GALNTL5: variants seen among roughly 807,000 people sequenced by gnomAD.
The protein encoded by GALNTL5 is polypeptide N-acetylgalactosaminyltransferase like 5, also known as inactive polypeptide N-acetylgalactosaminyltransferase-like protein 5.
In GALNTL5, 44 loss-of-function variants were observed where a neutral mutation model predicts 51.0. That is an observed-to-expected ratio of 0.86 (90% CI 0.68 to 1.11). The LOEUF is 1.11. Among genes scored for constraint, GALNTL5 ranks in the 50% least tolerant of loss-of-function variants. GALNTL5 has a pLI of 0.00. For synonymous variants in GALNTL5, 192 were observed against 182.8 expected, an observed-to-expected ratio of 1.05 and a Z score of -0.41; for missense variants, 528 against 531.8, an observed-to-expected ratio of 0.99 and a Z score of 0.07.
At chr7:152,017,358 G>A (rs2081832541) in intron 8 of GALNTL5, among the ~76,000 whole-genome samples, 1 of 152,180 alleles carries the variant, frequency 6.6e-6, no homozygotes, top group African/African-American at 2.4e-5. Flanking sequence ...TAAAAGTATG[G>A]TATTATAATC....
At chr7:151,970,858 A>G in intron 2 of GALNTL5, 87 bp from the exon 3 acceptor site, 1 of 1,106,296 alleles carries the variant, frequency 9.0e-7, no homozygotes, top group Non-Finnish European at 1.3e-6. Context: ...CTTTTAAAAA[A>G]TTGTTTTGGT....
intron 2 of GALNTL5, among the ~76,000 whole-genome samples, chr7:151,970,207 C>A (rs964555318): frequency 1.6e-5 from 2 of 128,212 alleles, no homozygotes; most frequent in African/African-American, 5.8e-5. Flanking sequence ...CAGGAAGGGG[C>A]GGGGGGTGGG....
At chr7:151,988,661 A>G (rs2151950025) in intron 5 of GALNTL5, among the ~76,000 whole-genome samples, 1 of 151,964 alleles carries the variant, frequency 6.6e-6, no homozygotes, top group Non-Finnish European at 1.5e-5. Flanking sequence ...TTATAGATAT[A>G]TACATATATA....
intron 5 of GALNTL5, among the ~76,000 whole-genome samples, chr7:151,990,530 G>A (rs2081414110): frequency 9.2e-6 from 1 of 108,176 alleles, no homozygotes; most frequent in African/African-American, 3.6e-5. Context: ...GCAGTGAGCC[G>A]AGATTGCGCC....
At chr7:151,971,606 ACTCT>A (rs1165494954) in intron 3 of GALNTL5, among the ~76,000 whole-genome samples, 1 of 151,880 alleles carries the variant, frequency 6.6e-6, no homozygotes, top group African/African-American at 2.4e-5. Context: ...CATCTCCAGA[ACTCT>A]CTCACCATCC....
At chr7:151,992,710 A>G (rs1457078996) in intron 5 of GALNTL5, among the ~76,000 whole-genome samples, 1 of 152,208 alleles carries the variant, frequency 6.6e-6, no homozygotes, top group Non-Finnish European at 1.5e-5. Flanking sequence ...TTAGGACTTG[A>G]AAATATCGTT....
chr7:151,980,585 A>C (rs939941697), intron 3 of GALNTL5, among the ~76,000 whole-genome samples: 2 of 151,846 alleles, frequency 1.3e-5, no homozygotes, highest in African/African-American at 4.8e-5. Flanking sequence ...TCTTGGATAA[A>C]AAGGAAGACG....
chr7:152,006,041 T>C (rs990082394), intron 6 of GALNTL5, among the ~76,000 whole-genome samples: 5 of 151,360 alleles, frequency 3.3e-5, no homozygotes, highest in Non-Finnish European at 7.4e-5. Context: ...GCTTCAACAT[T>C]GACAGTTGAG....
chr7:151,961,756 T>C (rs2080994488), intron 1 of GALNTL5, among the ~76,000 whole-genome samples: 1 of 152,204 alleles, frequency 6.6e-6, no homozygotes, highest in Non-Finnish European at 1.5e-5. Flanking sequence ...AGGGGACAAG[T>C]GGCTGATGTA....
At chr7:151,957,244 G>C (rs181381764) in intron 1 of GALNTL5, among the ~76,000 whole-genome samples, 1 of 151,622 alleles carries the variant, frequency 6.6e-6, no homozygotes, top group Admixed American at 6.6e-5. Flanking sequence ...CAATAGACTC[G>C]TATTTTTTTA....
At chr7:151,982,205 GA>G (rs2081300904) in intron 3 of GALNTL5, among the ~76,000 whole-genome samples, 1 of 152,016 alleles carries the variant, frequency 6.6e-6, no homozygotes, top group Non-Finnish European at 1.5e-5. Context: ...CTGAGGTCGG[GA>G]GCTCAAGACC....
chr7:152,008,747 TTTGC>T (rs945795114), intron 7 of GALNTL5, among the ~76,000 whole-genome samples: 76 of 152,174 alleles, frequency 5.0e-4, no homozygotes, highest in Admixed American at 1.1e-3. Flanking sequence ...TGTTTGTTTG[TTTGC>T]TTGCTTTGTT....
intron 5 of GALNTL5, among the ~76,000 whole-genome samples, chr7:151,988,788 C>T (rs1228573875): frequency 6.6e-6 from 1 of 151,714 alleles, no homozygotes; most frequent in Non-Finnish European, 1.5e-5. Context: ...GTAACCTCCT[C>T]CCACTGGGCT....
At chr7:151,992,012 T>G (rs2081434023) in intron 5 of GALNTL5, among the ~76,000 whole-genome samples, 1 of 152,260 alleles carries the variant, frequency 6.6e-6, no homozygotes, top group South Asian at 2.1e-4. Flanking sequence ...TCTTGATTTT[T>G]TGGTTGTTGT....
chr7:152,012,715 C>T (rs55775008), intron 7 of GALNTL5, among the ~76,000 whole-genome samples: 1,652 of 152,302 alleles, frequency 0.011, 21 homozygotes, highest in African/African-American at 0.037. Flanking sequence ...GCCTCTAATC[C>T]GAGCACTTTG....
intron 5 of GALNTL5, among the ~76,000 whole-genome samples, chr7:151,991,382 C>T (rs954399171): frequency 1.3e-5 from 2 of 152,120 alleles, no homozygotes; most frequent in Non-Finnish European, 2.9e-5. Flanking sequence ...TGAGCCACTG[C>T]GCACGGCCTG....
At position 152,007,926 on chromosome 7, in the gene GALNTL5, T is replaced by C. The variant is rs370038109; in HGVS notation, c.1008T>C (p.Asn336=). ...ATATGGATTTTTGGGGAAGAGAAAA[T>C]TTGGAACTTTCACTAAGGGTAATTC... is the stretch of plus-strand genomic sequence containing the variant. ...DKDMDFWGRE[N]LELSLRIWMC... Residue 336 remains asparagine (N), a synonymous_variant, in exon 7 of 9, where the codon AAT becomes AAC. Coordinates refer to ENST00000392800, the MANE Select transcript of GALNTL5 (RefSeq NM_145292.4). 2 of 1,586,894 alleles carry C rather than the reference T, an allele frequency of 1.3e-6. No individual in the cohort carries two copies. The highest frequency in any genetic ancestry group is 1.7e-6 in the Non-Finnish European group (2 of 1,156,236).
chr7:152,013,347 G>A (rs2081763838), intron 7 of GALNTL5, among the ~76,000 whole-genome samples: 1 of 150,820 alleles, frequency 6.6e-6, no homozygotes, highest in African/African-American at 2.4e-5. Context: ...GAAAACAAAA[G>A]TTGGAAAGAA....
intron 1 of GALNTL5, among the ~76,000 whole-genome samples, chr7:151,959,386 T>C (rs2080964933): frequency 6.6e-6 from 1 of 152,198 alleles, no homozygotes; most frequent in Admixed American, 6.5e-5. Context: ...GGCGTCCTAA[T>C]TCGCCATTTT....
Sources: gnomAD v4.1 joint callset for allele counts (sites outside exome capture counted in the v4.1 genomes callset) on GRCh38, gnomAD v4.1.1 for gene constraint, MANE v1.5 for transcripts, NCBI Gene and HGNC (gene_info 2026-07-23, HGNC 2026-07-21) for gene names.